MTMR12: variants seen among roughly 807,000 people sequenced by gnomAD.
MTMR12 encodes the protein myotubularin-related protein 12.
MTMR12 carries 33 observed loss-of-function variants against 96.7 expected under a neutral mutation model. That is an observed-to-expected ratio of 0.34 (90% CI 0.26 to 0.46). The LOEUF (loss-of-function observed/expected upper bound fraction) is 0.46. MTMR12 is among the 20% of genes least tolerant of loss of function. MTMR12 has a pLI of 1.00. For missense variants in MTMR12, 721 were observed against 896.1 expected (o/e 0.80, Z 2.49); for synonymous variants, 298 against 327.2 (o/e 0.91, Z 0.96).
chr5:32,231,013 A>G (rs570601104), intron 15 of MTMR12, among the ~76,000 whole-genome samples: 1 of 152,296 alleles, frequency 6.6e-6, no homozygotes, highest in South Asian at 2.1e-4. Flanking sequence ...AAAATGGGAG[A>G]GCATTTTCAC....
At chr5:32,252,454 G>T (rs950030124) in intron 8 of MTMR12, among the ~76,000 whole-genome samples, 1 of 152,190 alleles carries the variant, frequency 6.6e-6, no homozygotes, top group African/African-American at 2.4e-5. Context: ...AGCTTCCTAT[G>T]CACCTACTGC....
At chr5:32,268,850 A>G in intron 5 of MTMR12, 56 bp from the exon 6 acceptor site, 2 of 1,422,748 alleles carry the variant, frequency 1.4e-6, no homozygotes, top group Non-Finnish European at 2.0e-6. Context: ...AAACACTAAC[A>G]AAGACAAGAG....
chr5:32,280,415 C>G (rs796757549), intron 1 of MTMR12, among the ~76,000 whole-genome samples: 18 of 152,282 alleles, frequency 1.2e-4, no homozygotes, highest in African/African-American at 4.3e-4. Flanking sequence ...AAGGACATAA[C>G]ACAGACATTT....
chr5:32,234,081 G>T, intron 14 of MTMR12, 147 bp from the exon 15 acceptor site: 1 of 940,526 alleles, frequency 1.1e-6, no homozygotes, highest in Non-Finnish European at 1.6e-6. Flanking sequence ...GGCTACCTGT[G>T]GTTATTCACT....
intron 15 of MTMR12, among the ~76,000 whole-genome samples, chr5:32,230,983 T>G (rs892406159): frequency 6.6e-6 from 1 of 152,216 alleles, no homozygotes; most frequent in Non-Finnish European, 1.5e-5. Context: ...CAGACTTGTC[T>G]GGCAACCTGC....
At chr5:32,271,109 T>C (rs373823155) in intron 4 of MTMR12, among the ~76,000 whole-genome samples, 162 bp from the exon 5 acceptor site, 17 of 152,332 alleles carry the variant, frequency 1.1e-4, no homozygotes, top group Middle Eastern at 3.4e-3. Context: ...GCCCAATCTC[T>C]TCCAGCAGGG....
intron 8 of MTMR12, among the ~76,000 whole-genome samples, chr5:32,251,054 C>G (rs1346645939): frequency 2.3e-5 from 3 of 131,026 alleles, no homozygotes; most frequent in Admixed American, 7.7e-5. Context: ...AGGTCCCTCT[C>G]TTTTTTTTTT....
intron 1 of MTMR12, among the ~76,000 whole-genome samples, chr5:32,305,149 C>T (rs1450961119): frequency 1.3e-5 from 2 of 152,036 alleles, no homozygotes; most frequent in Non-Finnish European, 2.9e-5. Context: ...AATGCAGTGG[C>T]GCGATCTTGG....
At chr5:32,239,470 G>A (rs1006360119) in intron 12 of MTMR12, among the ~76,000 whole-genome samples, 2 of 152,180 alleles carry the variant, frequency 1.3e-5, no homozygotes, top group Admixed American at 6.5e-5. Flanking sequence ...CAGCTTGTGG[G>A]GGTCTAGGTG....
chr5:32,263,627 G>A (rs554966519), intron 6 of MTMR12, among the ~76,000 whole-genome samples: 1 of 152,114 alleles, frequency 6.6e-6, no homozygotes, highest in South Asian at 2.1e-4. Flanking sequence ...TAGTAGAGAC[G>A]GGGTTTCACC....
At chr5:32,281,406 T>C (rs1750289636) in intron 1 of MTMR12, among the ~76,000 whole-genome samples, 1 of 152,284 alleles carries the variant, frequency 6.6e-6, no homozygotes, top group East Asian at 1.9e-4. Context: ...ACACTGAAGT[T>C]GGCCCTAAAT....
At chr5:32,305,230 A>T (rs1751309454) in intron 1 of MTMR12, among the ~76,000 whole-genome samples, 1 of 152,084 alleles carries the variant, frequency 6.6e-6, no homozygotes, top group African/African-American at 2.4e-5. Context: ...CTGGAATTAC[A>T]GGCGTTCGCT....
chr5:32,250,328 A>G (rs1334116549), intron 8 of MTMR12, among the ~76,000 whole-genome samples: 1 of 152,226 alleles, frequency 6.6e-6, no homozygotes, highest in Non-Finnish European at 1.5e-5. Flanking sequence ...GAGCCCAGCC[A>G]GAGAGCAAGG....
chr5:32,283,366 T>C (rs1750385414), intron 1 of MTMR12, among the ~76,000 whole-genome samples: 1 of 151,994 alleles, frequency 6.6e-6, no homozygotes. Flanking sequence ...AAGTGAATAA[T>C]AACAAACATT....
At chr5:32,308,864 A>G (rs1751461725) in intron 1 of MTMR12, among the ~76,000 whole-genome samples, 1 of 152,132 alleles carries the variant, frequency 6.6e-6, no homozygotes, top group Non-Finnish European at 1.5e-5. Context: ...CGGCCTCCCA[A>G]AGTGCTGGGA....
intron 13 of MTMR12, among the ~76,000 whole-genome samples, chr5:32,237,433 A>G (rs1033560498): frequency 5.3e-5 from 8 of 152,168 alleles, no homozygotes; most frequent in African/African-American, 1.9e-4. Flanking sequence ...AGACAGAAGC[A>G]GAAGAGGCTA....
chr5:32,276,757 C>T lies in MTMR12; in HGVS notation c.82-15G>A. 1 of 1,607,704 alleles carries T rather than the reference C, an allele frequency of 6.2e-7. No homozygotes were observed. The highest frequency in any genetic ancestry group is 8.5e-7 in the Non-Finnish European group (1 of 1,175,186). ...GTGTGAATTTCCTAAAAGAGAAGAG[C>T]AAAGGATATTTTTCTTTGTTTAAGG... On this transcript the variant is annotated splice_polypyrimidine_tract_variant and intron_variant, in intron 1 of 15. Coordinates refer to ENST00000382142, the MANE Select transcript of MTMR12 (RefSeq NM_001040446.3).
At position 32,304,000 on chromosome 5, in the gene MTMR12, T is replaced by C. The variant is rs375177832; in HGVS notation, c.81+8758A>G. The stretch of plus-strand genomic sequence containing the variant: ...AATATCTTCACACATGACAACCACA[T>C]GTAGGCTATAAATTTTTACACAATT... On this transcript the variant is annotated intron_variant, in intron 1 of 15. Transcript: ENST00000382142. 1.1e-3 allele frequency among the ~76,000 whole-genome samples: 161 copies of C among 152,148 alleles called. 4 individuals are homozygous for C. In the South Asian group the frequency reaches 0.032, roughly 30 times the overall value.
chr5:32,303,860 A>G (rs1479285604), intron 1 of MTMR12, among the ~76,000 whole-genome samples: 3 of 151,508 alleles, frequency 2.0e-5, no homozygotes, highest in Admixed American at 6.6e-5. Flanking sequence ...AAAAAAAAAA[A>G]AAAAAAAAAA....
Sources: gnomAD v4.1 joint callset for allele counts (sites outside exome capture counted in the v4.1 genomes callset) on GRCh38, gnomAD v4.1.1 for gene constraint, MANE v1.5 for transcripts, NCBI Gene and HGNC (gene_info 2026-07-23, HGNC 2026-07-21) for gene names.